Variants in SUPT3H observed in about 807,000 individuals in gnomAD.
SUPT3H encodes transcription initiation protein SPT3 homolog.
Under a neutral mutation model 44.3 loss-of-function variants are expected in SUPT3H, and 44 were observed. The observed-to-expected ratio is 0.99, with a 90% CI of 0.78 to 1.28. The LOEUF (loss-of-function observed/expected upper bound fraction) is 1.28. Among genes scored for constraint, SUPT3H ranks in the 50% most tolerant of loss-of-function variants. The pLI is 0.00. For missense variants in SUPT3H, 380 were observed against 387.1 expected, an observed-to-expected ratio of 0.98 and a Z score of 0.15; for synonymous variants, 124 against 125.6, an observed-to-expected ratio of 0.99 and a Z score of 0.09.
intron 10 of SUPT3H, among the ~76,000 whole-genome samples, chr6:44,869,318 TC>T: frequency 6.6e-6 from 1 of 152,066 alleles, no homozygotes; most frequent in South Asian, 2.1e-4. Flanking sequence ...CAAAAACAAC[TC>T]CTTGGGAGTT....
intron 2 of SUPT3H, among the ~76,000 whole-genome samples, chr6:45,168,317 C>A (rs1406848159): frequency 6.6e-6 from 1 of 152,068 alleles, no homozygotes; most frequent in Non-Finnish European, 1.5e-5. Flanking sequence ...TTTAGGATTT[C>A]AAATTTTCTC....
chr6:44,818,657 A>C (rs1767067990), intron 11 of SUPT3H, among the ~76,000 whole-genome samples: 1 of 152,206 alleles, frequency 6.6e-6, no homozygotes. Context: ...TAAACACTTC[A>C]ACAAAGAAAA....
chr6:44,851,331 T>C (rs1446003136), intron 10 of SUPT3H, among the ~76,000 whole-genome samples: 1 of 152,242 alleles, frequency 6.6e-6, no homozygotes, highest in East Asian at 1.9e-4. Flanking sequence ...TAAGAAATTC[T>C]CCTTCATTGG....
intron 3 of SUPT3H, among the ~76,000 whole-genome samples, chr6:45,072,388 A>C (rs1296590514): frequency 2.0e-5 from 3 of 152,178 alleles, no homozygotes; most frequent in Non-Finnish European, 4.4e-5. Context: ...CAGACCATAA[A>C]CTGTTATCAG....
intron 3 of SUPT3H, among the ~76,000 whole-genome samples, chr6:45,025,827 G>A (rs1238781009): frequency 1.3e-5 from 2 of 150,458 alleles, no homozygotes; most frequent in Non-Finnish European, 2.9e-5. Flanking sequence ...AGCTTTCAGT[G>A]AGCTGAGATA....
chr6:45,060,511 A>G (rs1264840682), intron 3 of SUPT3H, among the ~76,000 whole-genome samples: 1 of 152,144 alleles, frequency 6.6e-6, no homozygotes, highest in East Asian at 1.9e-4. Flanking sequence ...TCTAAGCAAT[A>G]GCATTCTGGA....
At chr6:45,110,615 CTATCT>C (rs1799919344) in intron 2 of SUPT3H, among the ~76,000 whole-genome samples, 1 of 151,764 alleles carries the variant, frequency 6.6e-6, no homozygotes, top group Non-Finnish European at 1.5e-5. Flanking sequence ...AGGAGCTTTA[CTATCT>C]TATGTTGAAT....
chr6:44,829,630 CTAGTAAACAAGACCGAT>C lies in SUPT3H; in HGVS notation c.*169_*185del. The C allele has an allele frequency of 4.8e-6, 3 of 619,274 alleles. No individual in the cohort carries two copies. The highest frequency in any genetic ancestry group is 8.7e-6 in the Non-Finnish European group (3 of 346,438). 38.4% of individuals were successfully genotyped at this position (619,274 alleles called of 1,614,324 possible). Reference sequence around the variant, plus strand: ...GCCATTAATTAGCTGAACAGCCCATCTAGTAAACAAGACCGATGGTTGAGGGGCTGGAAAAGAGGAGG... The same window carrying C: ...GCCATTAATTAGCTGAACAGCCCATCGGTTGAGGGGCTGGAAAAGAGGAGG... On this transcript the variant is annotated 3_prime_UTR_variant, in exon 11 of 11. Coordinates refer to ENST00000371459, the MANE Select transcript of SUPT3H (RefSeq NM_003599.4).
At chr6:44,909,663 C>A (rs1419832909) in intron 10 of SUPT3H, among the ~76,000 whole-genome samples, 1 of 152,114 alleles carries the variant, frequency 6.6e-6, no homozygotes, top group Non-Finnish European at 1.5e-5. Context: ...CATGCAGGGG[C>A]CTGTTTTTTG....
chr6:45,273,652 T>C (rs1776564746), intron 2 of SUPT3H, among the ~76,000 whole-genome samples: 1 of 152,228 alleles, frequency 6.6e-6, no homozygotes, highest in Non-Finnish European at 1.5e-5. Flanking sequence ...TTAATTCCTT[T>C]TTATTATCAA....
chr6:44,917,551 G>A (rs17422760), intron 10 of SUPT3H, among the ~76,000 whole-genome samples: 68,664 of 152,040 alleles, frequency 0.45, 16,021 homozygotes, highest in Admixed American at 0.55. Context: ...TGCCATGACT[G>A]TCTAAACATG....
intron 3 of SUPT3H, among the ~76,000 whole-genome samples, chr6:45,052,172 G>A (rs1446807220): frequency 6.6e-6 from 1 of 152,192 alleles, no homozygotes; most frequent in Non-Finnish European, 1.5e-5. Context: ...CTCTTTTGAA[G>A]AGAGTCGGTG....
At chr6:45,230,813 C>CAA (rs1392939989) in intron 2 of SUPT3H, among the ~76,000 whole-genome samples, 1 of 151,326 alleles carries the variant, frequency 6.6e-6, no homozygotes, top group Non-Finnish European at 1.5e-5. Context: ...GCTGGGATTA[C>CAA]AAGCATGTGC....
intron 3 of SUPT3H, among the ~76,000 whole-genome samples, chr6:45,068,545 G>A (rs1342214416): frequency 6.6e-6 from 1 of 152,010 alleles, no homozygotes; most frequent in Admixed American, 6.6e-5. Flanking sequence ...TTCTGAAATC[G>A]GTACTAATAG....
chr6:44,852,131 G>A (rs576582443), intron 10 of SUPT3H, among the ~76,000 whole-genome samples: 1 of 152,202 alleles, frequency 6.6e-6, no homozygotes, highest in South Asian at 2.1e-4. Context: ...AATTTTCACT[G>A]TATTCTAGTG....
At chr6:45,237,274 A>G (rs1442911363) in intron 2 of SUPT3H, among the ~76,000 whole-genome samples, 5 of 152,220 alleles carry the variant, frequency 3.3e-5, no homozygotes, top group African/African-American at 1.2e-4. Context: ...TTGGCTGTTC[A>G]CGTAGTCAAT....
intron 3 of SUPT3H, among the ~76,000 whole-genome samples, chr6:45,035,692 T>A (rs958026682): frequency 2.6e-5 from 4 of 152,184 alleles, no homozygotes; most frequent in African/African-American, 9.6e-5. Context: ...TTTATTTTAG[T>A]GACACTGTGA....
chr6:44,869,268 GACAAT>G (rs1276045647), intron 10 of SUPT3H, among the ~76,000 whole-genome samples: 2 of 151,872 alleles, frequency 1.3e-5, no homozygotes, highest in Non-Finnish European at 2.9e-5. Context: ...CAAAGGCTGT[GACAAT>G]ACTGAAAAAG....
In SUPT3H at chr6:45,185,237, C is replaced by T. The variant is rs189739566; in HGVS notation, c.102-79231G>A. 4.9e-4 allele frequency among the ~76,000 whole-genome samples: 75 copies of T among 152,220 alleles called. 1 individual carries two copies. The East Asian group carries it at 0.012, about 24-fold the overall frequency. On this transcript the variant is annotated intron_variant, in intron 2 of 10. Coordinates refer to ENST00000371459, the MANE Select transcript of SUPT3H (RefSeq NM_003599.4). ...GAAGGAAATCCAAAGCACAGCTAAT[C>T]GCCACTATGTCTGTTGTTAGTGGGA...
Sources: gnomAD v4.1 joint callset for allele counts (sites outside exome capture counted in the v4.1 genomes callset) on GRCh38, gnomAD v4.1.1 for gene constraint, MANE v1.5 for transcripts, NCBI Gene and HGNC (gene_info 2026-07-23, HGNC 2026-07-21) for gene names.